ZSCAN30: variants seen among roughly 807,000 people sequenced by gnomAD.
The protein encoded by ZSCAN30 is zinc finger and SCAN domain-containing protein 30.
In ZSCAN30, 37 loss-of-function variants were observed where a neutral mutation model predicts 44.3. That is an observed-to-expected ratio of 0.84 (90% CI 0.64 to 1.10). The LOEUF is 1.10. Among genes scored for constraint, ZSCAN30 ranks in the 50% least tolerant of loss-of-function variants. The pLI, the probability that ZSCAN30 is intolerant of heterozygous loss-of-function variation, is 0.00. For missense variants in ZSCAN30, 549 were observed against 582.6 expected (o/e 0.94, Z 0.59); for synonymous variants, 181 against 204.6 (o/e 0.88, Z 0.98).
chr18:35,264,584 ATAAATGATACATTT>A (rs1260090829), intron 1 of ZSCAN30, 129 bp from the exon 2 acceptor site: 57 of 492,444 alleles, frequency 1.2e-4, no homozygotes, highest in African/African-American at 1.1e-3. Context: ...GCACTTCCAC[ATAAATGATACATTT>A]ATAGATGACT....
chr18:35,255,459 G>A (rs763405947), intron 3 of ZSCAN30, among the ~76,000 whole-genome samples: 8 of 151,982 alleles, frequency 5.3e-5, no homozygotes, highest in Non-Finnish European at 1.0e-4. Flanking sequence ...TCTGGCCATA[G>A]AAGTAATAAT....
chr18:35,258,003 C>A (rs1359691337), intron 3 of ZSCAN30: 3 of 780,764 alleles, frequency 3.8e-6, no homozygotes, highest in Non-Finnish European at 7.2e-6. Flanking sequence ...TCTGGCAAGG[C>A]ATATCATGAG....
rs529357111 is a variant in ZSCAN30 at position 35,254,765 on chromosome 18, A to G, written c.554-384T>C. 1.7e-4 allele frequency: 52 copies of G among 311,032 alleles called. No individual in the cohort carries two copies. In the East Asian group the frequency reaches 4.1e-3, roughly 25 times the overall value. 19.3% of individuals were successfully genotyped at this position (311,032 alleles called of 1,614,324 possible). ...AAGTTAAAAGGAATGATCAGGATAA[A>G]GAAAGATATCTAAGAGTCTTAAATC... On this transcript the variant is annotated intron_variant, in intron 3 of 3. Coordinates refer to ENST00000333206, the MANE Select transcript of ZSCAN30 (RefSeq NM_001112734.4).
rs754394428 is a variant in ZSCAN30, at chr18:35,254,011, C to T, written c.924G>A (p.Lys308=). 1.2e-6 allele frequency: 2 copies of T among 1,614,214 alleles called. No homozygotes were observed. The highest frequency in any genetic ancestry group is 2.2e-5 in the East Asian group (1 of 44,884). ...EKLYECFDCG[K]AFCQSSKLIR... ...TCAGCTTTGAGCTCTGGCAAAAGGCCTTCCCACAGTCAAAGCACTCATAGA... is the reference window on the plus strand; with the variant it reads ...TCAGCTTTGAGCTCTGGCAAAAGGCTTTCCCACAGTCAAAGCACTCATAGA... Residue 308 remains lysine (K), a synonymous_variant, in exon 4 of 4, where the codon AAG becomes AAA. Transcript: ENST00000333206.
At chr18:35,278,456 A>G (rs546724453) in intron 1 of ZSCAN30, among the ~76,000 whole-genome samples, 1 of 152,358 alleles carries the variant, frequency 6.6e-6, no homozygotes, top group South Asian at 2.1e-4. Flanking sequence ...ATAGATTTTA[A>G]GAGAATCCAT....
intron 2 of ZSCAN30, 38 bp from the exon 3 acceptor site, chr18:35,263,695 A>G (rs2044084193): frequency 6.2e-7 from 1 of 1,608,754 alleles, no homozygotes; most frequent in Non-Finnish European, 8.5e-7. Context: ...CATTCTGAGG[A>G]TACACAAGCA....
chr18:35,263,800 A>T, intron 2 of ZSCAN30, 143 bp from the exon 3 acceptor site: 1 of 1,380,782 alleles, frequency 7.2e-7, no homozygotes, highest in Non-Finnish European at 9.9e-7. Context: ...AGCCCTAGTG[A>T]CTTGAACCCA....
chr18:35,278,210 C>A (rs1320778889), intron 1 of ZSCAN30, among the ~76,000 whole-genome samples: 1 of 152,230 alleles, frequency 6.6e-6, no homozygotes, highest in East Asian at 1.9e-4. Context: ...CTATAGATAC[C>A]CAACTGGTCC....
intron 1 of ZSCAN30, among the ~76,000 whole-genome samples, chr18:35,264,659 T>C (rs1294619152): frequency 2.0e-5 from 3 of 152,144 alleles, no homozygotes; most frequent in African/African-American, 7.2e-5. Flanking sequence ...CTGAAATCAA[T>C]TTGGCCTTTA....
chr18:35,262,640 T>C (rs547316203), intron 3 of ZSCAN30: 3 of 152,356 alleles, frequency 2.0e-5, no homozygotes, highest in East Asian at 3.9e-4. Flanking sequence ...CCCATCCCTA[T>C]GGGTAGCTTC....
chr18:35,283,751 G>C (rs138613649), intron 1 of ZSCAN30: 42 of 152,588 alleles, frequency 2.8e-4, no homozygotes, highest in African/African-American at 9.9e-4. Context: ...CTGGCTCAGG[G>C]AGCTTCCTGG....
chr18:35,276,392 C>T (rs1380278426), intron 1 of ZSCAN30, among the ~76,000 whole-genome samples: 2 of 151,920 alleles, frequency 1.3e-5, no homozygotes, highest in African/African-American at 2.4e-5. Context: ...CAGGGCATGT[C>T]AGAGACCTTC....
intron 1 of ZSCAN30, among the ~76,000 whole-genome samples, chr18:35,286,132 T>C (rs1472181463): frequency 2.6e-5 from 4 of 152,144 alleles, no homozygotes; most frequent in Non-Finnish European, 5.9e-5. Context: ...GCTTACCCTA[T>C]AAGAAATATA....
chr18:35,288,003 G>A (rs752410133), intron 1 of ZSCAN30, among the ~76,000 whole-genome samples: 38 of 151,396 alleles, frequency 2.5e-4, no homozygotes, highest in African/African-American at 9.2e-4. Context: ...CTCCCAAGTA[G>A]CTGGGACCAC....
rs148449091 is a variant in ZSCAN30 at position 35,274,992 on chromosome 18, C to T, written c.-103-10537G>A. Among the ~76,000 whole-genome samples the T allele has an allele frequency of 3.1e-3, 475 of 152,268 alleles. 1 individual carries two copies. Among genetic ancestry groups the T allele is most frequent in the Non-Finnish European group, 4.6e-3 (314 of 68,008 alleles). On this transcript the variant is annotated intron_variant, in intron 1 of 3. Transcript: ENST00000333206. The stretch of plus-strand genomic sequence containing the variant: ...GCTTTACTGTCTTTTTTAAAGATTT[C>T]CTTCCCTACTCTGAAGTCATAAATA...
chr18:35,278,682 G>A (rs1037377288), intron 1 of ZSCAN30, among the ~76,000 whole-genome samples: 1 of 152,126 alleles, frequency 6.6e-6, no homozygotes, highest in African/African-American at 2.4e-5. Flanking sequence ...CCTCCTCAGT[G>A]TATCTCTTTC....
chr18:35,264,455 C>T lies in ZSCAN30; in HGVS notation c.-103G>A. The T allele has an allele frequency of 2.5e-6, 3 of 1,217,666 alleles. No homozygotes were observed. In the South Asian group the frequency reaches 4.6e-5, roughly 18 times the overall value. 75.4% of individuals were successfully genotyped at this position (1,217,666 alleles called of 1,614,324 possible). A position where few individuals can be genotyped will look rare whatever the true frequency, so the allele number is the denominator to read the frequency against. On this transcript the variant is annotated splice_region_variant and 5_prime_UTR_variant, in exon 2 of 4. Coordinates refer to ENST00000333206, the MANE Select transcript of ZSCAN30 (RefSeq NM_001112734.4). The stretch of plus-strand genomic sequence containing the variant: ...CTGAATTCCAACTCCCCAGGACGCT[C>T]CTGAGGGTGGACAATGCTCATGTTA...
chr18:35,267,573 C>T (rs1203787672), intron 1 of ZSCAN30: 1 of 152,158 alleles, frequency 6.6e-6, no homozygotes, highest in East Asian at 1.9e-4. Context: ...CCTCTAGGAG[C>T]CCGGAGGACC....
chr18:35,257,523 G>T (rs1377377850), intron 3 of ZSCAN30: 3 of 218,000 alleles, frequency 1.4e-5, no homozygotes, highest in Non-Finnish European at 2.7e-5. Context: ...CAGTGAAAAG[G>T]TGCCATCCAT....
Sources: gnomAD v4.1 joint callset for allele counts (sites outside exome capture counted in the v4.1 genomes callset) on GRCh38, gnomAD v4.1.1 for gene constraint, MANE v1.5 for transcripts, NCBI Gene and HGNC (gene_info 2026-07-23, HGNC 2026-07-21) for gene names.